ULK4: variants seen among roughly 807,000 people sequenced by gnomAD.
The protein encoded by ULK4 is unc-51 like kinase 4.
In ULK4, 133 loss-of-function variants were observed where a neutral mutation model predicts 160.6. The ratio of observed to expected loss-of-function variants is 0.83; its 90% CI spans 0.72 to 0.96. The LOEUF (loss-of-function observed/expected upper bound fraction) is 0.96, where lower values mean the gene tolerates loss of function less well. ULK4 is among the 40% of genes least tolerant of loss of function. The pLI is 0.00. For missense variants in ULK4, 1,580 were observed against 1,499.5 expected (o/e 1.05, Z -0.89); for synonymous variants, 534 against 539.8 (o/e 0.99, Z 0.15).
intron 35 of ULK4, among the ~76,000 whole-genome samples, chr3:41,305,910 C>T (rs1325375447): frequency 1.2e-4 from 17 of 147,796 alleles, no homozygotes; most frequent in East Asian, 2.0e-4. Context: ...TGCCCGGCTG[C>T]GACCCCGTCT....
chr3:41,948,217 G>A (rs1045687522), intron 2 of ULK4, among the ~76,000 whole-genome samples: 5 of 152,138 alleles, frequency 3.3e-5, no homozygotes, highest in Non-Finnish European at 4.4e-5. Context: ...TCGGGAGGTC[G>A]AGGTGGGCGG....
intron 21 of ULK4, among the ~76,000 whole-genome samples, chr3:41,767,139 G>A (rs2039192493): frequency 1.3e-5 from 2 of 152,120 alleles, no homozygotes; most frequent in African/African-American, 4.8e-5. Flanking sequence ...AAATTATTTT[G>A]TTTAGTGAAT....
chr3:41,902,608 A>C (rs1241468561), intron 12 of ULK4, among the ~76,000 whole-genome samples: 5 of 150,602 alleles, frequency 3.3e-5, no homozygotes, highest in African/African-American at 1.2e-4. Flanking sequence ...AAAAAGGCCC[A>C]CAAAGAATGA....
At chr3:41,564,760 T>G (rs2700447) in intron 32 of ULK4, among the ~76,000 whole-genome samples, 74,741 of 151,634 alleles carry the variant, frequency 0.49, 18,613 homozygotes, top group Middle Eastern at 0.58. Context: ...CACCCGGCCA[T>G]AAAAGTATTT....
At chr3:41,855,759 A>T (rs1306682176) in intron 17 of ULK4, among the ~76,000 whole-genome samples, 1 of 152,282 alleles carries the variant, frequency 6.6e-6, no homozygotes, top group African/African-American at 2.4e-5. Context: ...GTTTTATGCA[A>T]TTCTTTCCAT....
At chr3:41,674,095 C>T (rs878935470) in intron 29 of ULK4, among the ~76,000 whole-genome samples, 3 of 152,240 alleles carry the variant, frequency 2.0e-5, no homozygotes, top group East Asian at 1.9e-4. Flanking sequence ...CACAATCACA[C>T]GATACAGTAC....
At chr3:41,557,309 G>A (rs577701566) in intron 32 of ULK4, among the ~76,000 whole-genome samples, 1 of 151,128 alleles carries the variant, frequency 6.6e-6, no homozygotes, top group Non-Finnish European at 1.5e-5. Context: ...GAGGGGAAAA[G>A]TAGCATCATA....
At chr3:41,753,238 T>G (rs1315299024) in intron 22 of ULK4, among the ~76,000 whole-genome samples, 1 of 152,004 alleles carries the variant, frequency 6.6e-6, no homozygotes, top group East Asian at 1.9e-4. Flanking sequence ...ACACAGAAAT[T>G]TGTTGTCTTG....
rs1343399414 is a variant in ULK4 at position 41,942,371 on chromosome 3, T to C, written c.139-4174A>G. 2.7e-5 allele frequency among the ~76,000 whole-genome samples: 4 copies of C among 150,434 alleles called. No homozygotes were observed. The East Asian group carries it at 7.9e-4, about 30-fold the overall frequency. On this transcript the variant is annotated intron_variant, in intron 2 of 36. Coordinates refer to ENST00000301831, the MANE Select transcript of ULK4 (RefSeq NM_017886.4). ...CTATCTCTATAAAAAATACAAAAAT[T>C]AGGCAGGCATGGTGGTGCATGCCTG...
At chr3:41,544,784 T>C (rs918985003) in intron 32 of ULK4, among the ~76,000 whole-genome samples, 1 of 152,186 alleles carries the variant, frequency 6.6e-6, no homozygotes, top group Non-Finnish European at 1.5e-5. Flanking sequence ...ACAGGTCAAA[T>C]TGTGGCAATG....
chr3:41,247,322 G>T (rs1360433175), intron 36 of ULK4, among the ~76,000 whole-genome samples: 8 of 152,140 alleles, frequency 5.3e-5, no homozygotes, highest in African/African-American at 1.9e-4. Context: ...CTCCTGCCTG[G>T]AGCTGACTTA....
intron 32 of ULK4, among the ~76,000 whole-genome samples, chr3:41,475,530 T>TA (rs1263323449): frequency 6.6e-6 from 1 of 152,232 alleles, no homozygotes; most frequent in Non-Finnish European, 1.5e-5. Context: ...ATGAACATTT[T>TA]AACTGCTTGA....
chr3:41,533,773 T>G (rs1336209766), intron 32 of ULK4, among the ~76,000 whole-genome samples: 2 of 152,234 alleles, frequency 1.3e-5, no homozygotes, highest in Non-Finnish European at 2.9e-5. Context: ...ATGTTATTCT[T>G]AAAAGTAAAG....
intron 30 of ULK4, among the ~76,000 whole-genome samples, chr3:41,640,917 G>C (rs572593187): frequency 1.3e-4 from 20 of 152,326 alleles, no homozygotes; most frequent in Middle Eastern, 3.4e-3. Flanking sequence ...AACTCTCAGA[G>C]CTTGCCATCT....
chr3:41,360,671 A>T (rs896022035), intron 35 of ULK4, among the ~76,000 whole-genome samples: 1 of 152,166 alleles, frequency 6.6e-6, no homozygotes, highest in Non-Finnish European at 1.5e-5. Flanking sequence ...AGGAACAGAA[A>T]ACCAAATACC....
chr3:41,269,495 T>C (rs1054630280), intron 35 of ULK4, among the ~76,000 whole-genome samples: 3 of 152,086 alleles, frequency 2.0e-5, no homozygotes, highest in African/African-American at 7.2e-5. Context: ...TTGAGGATAT[T>C]AGGAGGCTAC....
intron 27 of ULK4, among the ~76,000 whole-genome samples, chr3:41,683,928 C>T (rs1249308221): frequency 6.6e-6 from 1 of 152,156 alleles, no homozygotes; most frequent in East Asian, 1.9e-4. Flanking sequence ...ACCCTGGGTG[C>T]TATCTTTGTG....
intron 30 of ULK4, among the ~76,000 whole-genome samples, chr3:41,638,910 A>T (rs2034066833): frequency 6.6e-6 from 1 of 152,220 alleles, no homozygotes; most frequent in Non-Finnish European, 1.5e-5. Flanking sequence ...TACTTTATTA[A>T]GGGAGGATAA....
chr3:41,379,864 G>T (rs909048309), intron 35 of ULK4, among the ~76,000 whole-genome samples: 3 of 152,166 alleles, frequency 2.0e-5, no homozygotes, highest in Admixed American at 6.6e-5. Flanking sequence ...TGCTAAATGG[G>T]TAGTGAGAGT....
Sources: gnomAD v4.1 joint callset for allele counts (sites outside exome capture counted in the v4.1 genomes callset) on GRCh38, gnomAD v4.1.1 for gene constraint, MANE v1.5 for transcripts, NCBI Gene and HGNC (gene_info 2026-07-23, HGNC 2026-07-21) for gene names.